CDH1: variants seen among roughly 807,000 people sequenced by gnomAD.
CDH1 encodes cadherin 1.
In CDH1, 35 loss-of-function variants were observed where a neutral mutation model predicts 84.5. The ratio of observed to expected loss-of-function variants is 0.41; its 90% CI spans 0.32 to 0.55. The LOEUF (loss-of-function observed/expected upper bound fraction) is 0.55, where lower values mean the gene tolerates loss of function less well. CDH1 is among the 20% of genes least tolerant of loss of function. The pLI is 0.19. For synonymous variants in CDH1, 417 were observed against 439.0 expected, an observed-to-expected ratio of 0.95 and a Z score of 0.63; for missense variants, 994 against 1,126.6, an observed-to-expected ratio of 0.88 and a Z score of 1.68.
chr16:68,808,342 C>T, intron 3 of CDH1, 82 bp from the exon 4 acceptor site: 5 of 1,433,296 alleles, frequency 3.5e-6, no homozygotes, highest in Non-Finnish European at 4.9e-6. Flanking sequence ...GCTGGGGACG[C>T]TGTCTGGCTA....
chr16:68,751,182 A>C (rs1010979762), intron 2 of CDH1, among the ~76,000 whole-genome samples: 2 of 152,120 alleles, frequency 1.3e-5, no homozygotes, highest in Non-Finnish European at 2.9e-5. Flanking sequence ...CAAATTACCC[A>C]TGGTTCCCCA....
intron 2 of CDH1, among the ~76,000 whole-genome samples, chr16:68,798,284 G>A (rs572208029): frequency 2.6e-5 from 4 of 152,164 alleles, no homozygotes; most frequent in Middle Eastern, 3.4e-3. Context: ...CCCAGTCCCC[G>A]TATTCTGATC....
intron 3 of CDH1, among the ~76,000 whole-genome samples, chr16:68,802,896 C>A (rs1960553925): frequency 6.6e-6 from 1 of 152,176 alleles, no homozygotes; most frequent in African/African-American, 2.4e-5. Flanking sequence ...GACCCTTCCC[C>A]ATTGTATTTG....
intron 2 of CDH1, among the ~76,000 whole-genome samples, chr16:68,793,175 A>G (rs1440243345): frequency 6.6e-6 from 1 of 152,140 alleles, no homozygotes; most frequent in East Asian, 1.9e-4. Context: ...CTTCCCTGGA[A>G]AAATGTTGTG....
At chr16:68,766,733 A>AC (rs949517933) in intron 2 of CDH1, among the ~76,000 whole-genome samples, 6 of 91,772 alleles carry the variant, frequency 6.5e-5, no homozygotes, top group African/African-American at 1.5e-4. Context: ...AAGGTCTAGA[A>AC]CCCCCTTTTT....
chr16:68,772,004 G>A (rs1308673042), intron 2 of CDH1, among the ~76,000 whole-genome samples: 1 of 152,166 alleles, frequency 6.6e-6, no homozygotes, highest in East Asian at 1.9e-4. Flanking sequence ...TGAGGAAATC[G>A]AGGCAGGCAG....
rs1219900433 is a variant in CDH1, at chr16:68,835,378, A to T, written c.*1879A>T. 4.5e-6 allele frequency: 1 copy of T among 221,274 alleles called. No homozygotes were observed. Among genetic ancestry groups the T allele is most frequent in the South Asian group, 1.8e-4 (1 of 5,422 alleles). The allele number at this position is 221,274 out of a possible 1,614,324, so 13.7% of individuals were successfully genotyped here. On this transcript the variant is annotated 3_prime_UTR_variant, in exon 16 of 16. Coordinates refer to ENST00000261769, the MANE Select transcript of CDH1 (RefSeq NM_004360.5). Reference sequence around the variant, plus strand: ...CGGCAGTTCAAGCTATATCGAATATAGTTCTGTGTAGAGAATGTCACTGTA... The same window carrying T: ...CGGCAGTTCAAGCTATATCGAATATTGTTCTGTGTAGAGAATGTCACTGTA...
At chr16:68,824,039 C>T (rs1485100492) in intron 13 of CDH1, among the ~76,000 whole-genome samples, 13 of 132,706 alleles carry the variant, frequency 9.8e-5, no homozygotes, top group African/African-American at 2.5e-4. Flanking sequence ...CTCTTGTTGC[C>T]GAGGCTGGAG....
At position 68,801,775 on chromosome 16, in the gene CDH1, G is replaced by A. The variant is rs587782647; in HGVS notation, c.269G>A (p.Arg90Gln). 1.4e-5 allele frequency: 23 copies of A among 1,614,008 alleles called. No individual in the cohort carries two copies. The highest frequency in any genetic ancestry group is 5.0e-5 in the Admixed American group (3 of 59,992). ...DGVITVKRPL[R>Q]FHNPQIHFLV... ...GTGATTACAGTCAAAAGGCCTCTAC[G>A]GTTTCATAACCCACAGATCCATTTC... The change falls in exon 3 of 16, where the codon CGG becomes CAG. Residue 90 changes from arginine (R) to glutamine (Q), a missense_variant. Arg to Gln is a conservative substitution (Grantham distance 43). This residue lies in a region of CDH1 where 203 missense variants were observed against 194.0 expected (regional missense o/e 1.05). Coordinates refer to ENST00000261769, the MANE Select transcript of CDH1 (RefSeq NM_004360.5).
chr16:68,787,768 C>A (rs911265914), intron 2 of CDH1, among the ~76,000 whole-genome samples: 3 of 151,892 alleles, frequency 2.0e-5, no homozygotes, highest in African/African-American at 7.3e-5. Context: ...AAGCAGTTCT[C>A]CCACTTCAGC....
intron 2 of CDH1, among the ~76,000 whole-genome samples, chr16:68,746,967 C>T (rs113904313): frequency 1.3e-5 from 2 of 152,042 alleles, no homozygotes; most frequent in African/African-American, 4.8e-5. Flanking sequence ...AACAAACAAA[C>T]ACACCAAAGT....
At chr16:68,738,195 A>G (rs572034025) in intron 1 of CDH1, 102 bp from the exon 2 acceptor site, 20 of 796,822 alleles carry the variant, frequency 2.5e-5, no homozygotes, top group South Asian at 1.4e-4. Context: ...TCCTCCCCCA[A>G]TCCCGACGCC....
At chr16:68,754,529 T>G (rs977115370) in intron 2 of CDH1, among the ~76,000 whole-genome samples, 1 of 152,094 alleles carries the variant, frequency 6.6e-6, no homozygotes, top group Non-Finnish European at 1.5e-5. Flanking sequence ...GTAACCCTCA[T>G]GCACACAGGT....
At chr16:68,765,472 C>A in intron 2 of CDH1, 1 of 152,400 alleles carries the variant, frequency 6.6e-6, no homozygotes, top group Non-Finnish European at 1.5e-5. Flanking sequence ...AGGCGTGAGC[C>A]ACTGCGCCTG....
rs1410318220 is a variant in CDH1, at chr16:68,833,447, G to A, written c.2597G>A (p.Gly866Asp). 1.2e-6 allele frequency: 2 copies of A among 1,614,146 alleles called. No homozygotes were observed. Among genetic ancestry groups the A allele is most frequent in the Admixed American group, 1.7e-5 (1 of 60,006 alleles). ...DQDYDYLNEW[G>D]NRFKKLADMY... ...GACTATGACTACTTGAACGAATGGGGCAATCGCTTCAAGAAGCTGGCTGAC... is the reference window on the plus strand; with the variant it reads ...GACTATGACTACTTGAACGAATGGGACAATCGCTTCAAGAAGCTGGCTGAC... Residue 866 changes from glycine to aspartate, a missense_variant, in exon 16 of 16, where the codon GGC becomes GAC. Around this residue, in one of 3 missense-constraint regions of CDH1, gnomAD observed 769 missense variants for 881.8 expected, o/e 0.87. Coordinates refer to ENST00000261769, the MANE Select transcript of CDH1 (RefSeq NM_004360.5).
At chr16:68,746,523 A>T (rs997446209) in intron 2 of CDH1, among the ~76,000 whole-genome samples, 36 of 152,122 alleles carry the variant, frequency 2.4e-4, no homozygotes, top group African/African-American at 8.7e-4. Context: ...ATGAGTAAAT[A>T]CCCCAGCCAG....
At chr16:68,765,993 C>G (rs1425127147) in intron 2 of CDH1, among the ~76,000 whole-genome samples, 1 of 152,156 alleles carries the variant, frequency 6.6e-6, no homozygotes, top group Non-Finnish European at 1.5e-5. Context: ...GGCACGGTGG[C>G]TCATGCCTGT....
intron 14 of CDH1, among the ~76,000 whole-genome samples, chr16:68,828,528 C>T (rs569688315): frequency 1.3e-5 from 2 of 152,286 alleles, no homozygotes; most frequent in African/African-American, 4.8e-5. Flanking sequence ...CCTCAGTGAG[C>T]GAGCTGAGGC....
At position 68,834,690 on chromosome 16, in the gene CDH1, A is replaced by G. The variant is rs1019721304; in HGVS notation, c.*1191A>G. 5 of 234,402 alleles carry G rather than the reference A, an allele frequency of 2.1e-5. No individual in the cohort carries two copies. Among genetic ancestry groups the G allele is most frequent in the Non-Finnish European group, 4.2e-5 (5 of 118,752 alleles). 14.5% of individuals were successfully genotyped at this position (234,402 alleles called of 1,614,324 possible). A position where few individuals can be genotyped will look rare whatever the true frequency, so the allele number is the denominator to read the frequency against. On this transcript the variant is annotated 3_prime_UTR_variant, in exon 16 of 16. Coordinates refer to ENST00000261769, the MANE Select transcript of CDH1 (RefSeq NM_004360.5). The stretch of plus-strand genomic sequence containing the variant: ...AGACCTTTAATGGCTTCCCTCTTTC[A>G]TCTCCTGAGTATGTAACTTGCAATG...
Sources: allele counts gnomAD v4.1 joint callset (sites outside exome capture counted in the v4.1 genomes callset), GRCh38; gene constraint gnomAD v4.1.1; regional missense constraint gnomAD v4.1.1; transcripts MANE v1.5; gene names NCBI Gene and HGNC (gene_info 2026-07-23, HGNC 2026-07-21).